The following NAP1L4 variants were observed in gnomAD, a reference collection of about 807,000 sequenced individuals.
NAP1L4 encodes nucleosome assembly protein 1 like 4, also known as nucleosome assembly protein 1-like 4.
Under a neutral mutation model 58.2 loss-of-function variants are expected in NAP1L4, and 15 were observed. That is an observed-to-expected ratio of 0.26 (90% CI 0.17 to 0.40). NAP1L4 has a LOEUF of 0.40. Among genes scored for constraint, NAP1L4 ranks in the 10% least tolerant of loss-of-function variants. The pLI, the probability that NAP1L4 is intolerant of heterozygous loss-of-function variation, is 1.00. For missense variants in NAP1L4, 384 were observed against 451.1 expected (o/e 0.85, Z 1.35); for synonymous variants, 171 against 155.6 (o/e 1.10, Z -0.74).
At chr11:2,989,716 G>C (rs773455951) in intron 1 of NAP1L4, 1 of 152,162 alleles carries the variant, frequency 6.6e-6, no homozygotes, top group Non-Finnish European at 1.5e-5. Context: ...ATTAACATGC[G>C]GTCAATAACA....
In NAP1L4 at chr11:2,944,674, C is replaced by A. The variant is rs919203098; in HGVS notation, c.*1005G>T. The A allele has an allele frequency of 6.6e-6, 1 of 152,252 alleles. No individual in the cohort carries two copies. The highest frequency in any genetic ancestry group is 2.4e-5 in the African/African-American group (1 of 41,464). 9.4% of individuals were successfully genotyped at this position (152,252 alleles called of 1,614,324 possible). On this transcript the variant is annotated 3_prime_UTR_variant, in exon 16 of 16. Transcript: ENST00000380542. ...TTCAGACAGGATGAATGGTGGGGCC[C>A]CGCAATGGGGCTACTGAGAAAGCAG...
At position 2,978,494 on chromosome 11, in the gene NAP1L4, TCA is replaced by T; in HGVS notation, c.15-154_15-153del. On this transcript the variant is annotated intron_variant, in intron 2 of 15. Coordinates refer to ENST00000380542, the MANE Select transcript of NAP1L4 (RefSeq NM_005969.4). ...GAAAACTACCAATGTGCATGTTATC[TCA>T]GAGGCTGTCCTCTCTGCTATAAAAA... 7.9e-6 allele frequency: 5 copies of T among 632,310 alleles called. No homozygotes were observed. The South Asian group carries it at 9.7e-5, about 12-fold the overall frequency. The allele number at this position is 632,310 out of a possible 1,614,324, so 39.2% of individuals were successfully genotyped here. A position where few individuals can be genotyped will look rare whatever the true frequency, so the allele number is the denominator to read the frequency against.
At chr11:2,976,160 C>T (rs774403643) in intron 3 of NAP1L4, 37 bp from the exon 4 acceptor site, 6 of 1,515,844 alleles carry the variant, frequency 4.0e-6, no homozygotes, top group Non-Finnish European at 4.5e-6. Context: ...TTAAAATATG[C>T]CCACCACACA....
intron 10 of NAP1L4, 57 bp downstream of exon 10, chr11:2,958,342 G>A (rs1846672640): frequency 6.3e-7 from 1 of 1,582,978 alleles, no homozygotes; most frequent in Non-Finnish European, 8.7e-7. Flanking sequence ...AATCTATCAG[G>A]TGACCAAAAT....
At position 2,959,979 on chromosome 11, in the gene NAP1L4, CACA is replaced by C. The variant is rs1000359164; in HGVS notation, c.607-73_607-71del. ...TAACGAGGACAGATTGCTTGGAGTA[CACA>C]ACACTTACTAGAAGCTATTTTGGGA... On this transcript the variant is annotated intron_variant, in intron 8 of 15. Transcript: ENST00000380542. The surrounding 1 kb of genome is among the most constrained non-coding windows in gnomAD (Gnocchi z 4.9). 24 of 1,492,296 alleles carry C rather than the reference CACA, an allele frequency of 1.6e-5. No homozygotes were observed. The highest frequency in any genetic ancestry group is 9.3e-5 in the Admixed American group (5 of 53,530). The allele number at this position is 1,492,296 out of a possible 1,614,324, so 92.4% of individuals were successfully genotyped here.
At chr11:2,964,622 T>C in intron 8 of NAP1L4, 58 bp downstream of exon 8, 1 of 1,435,990 alleles carries the variant, frequency 7.0e-7, no homozygotes, top group African/African-American at 1.4e-5. Context: ...TCCAAGTTCT[T>C]CCATCTTTGT....
chr11:2,971,674 G>C lies in NAP1L4; in HGVS notation c.316-140C>G, dbSNP rs1345489472. 4.3e-6 allele frequency: 3 copies of C among 702,288 alleles called. No individual in the cohort carries two copies. Among genetic ancestry groups the C allele is most frequent in the Non-Finnish European group, 4.5e-6 (2 of 440,204 alleles). The allele number at this position is 702,288 out of a possible 1,614,324, so 43.5% of individuals were successfully genotyped here. On this transcript the variant is annotated intron_variant, in intron 5 of 15. Coordinates refer to ENST00000380542, the MANE Select transcript of NAP1L4 (RefSeq NM_005969.4). This position sits in a 1 kb window ranked among gnomAD's most constrained non-coding sequence, Gnocchi z 4.2. ...CTTATTTTAAGATTCTAAATTTTAGGGTTCAAAGAAAAATATTAAATGATT... is the reference window on the plus strand; with the variant it reads ...CTTATTTTAAGATTCTAAATTTTAGCGTTCAAAGAAAAATATTAAATGATT...
At chr11:2,970,327 T>C (rs762425682) in intron 6 of NAP1L4, among the ~76,000 whole-genome samples, 1 of 151,994 alleles carries the variant, frequency 6.6e-6, no homozygotes, top group Non-Finnish European at 1.5e-5. Context: ...GCAGAACATC[T>C]AGCACTGGGC....
At chr11:2,991,156 G>A (rs1848941016) in intron 1 of NAP1L4, 1 of 456,374 alleles carries the variant, frequency 2.2e-6, no homozygotes, top group South Asian at 1.5e-5. Context: ...GGCAGGTGAT[G>A]TGACACACAC....
At chr11:2,980,855 C>T (rs952242057) in intron 1 of NAP1L4, among the ~76,000 whole-genome samples, 8 of 151,194 alleles carry the variant, frequency 5.3e-5, no homozygotes, top group African/African-American at 2.4e-5. Flanking sequence ...TTTTAAGATT[C>T]AAAATACAAC....
chr11:2,988,419 G>C (rs1200417268), intron 1 of NAP1L4, among the ~76,000 whole-genome samples: 3 of 152,190 alleles, frequency 2.0e-5, no homozygotes, highest in East Asian at 3.8e-4. Context: ...CATTGAACTT[G>C]TTCGTCTGTC....
rs1847624518 is a variant in NAP1L4 at position 2,971,317 on chromosome 11, C to T, written c.402+131G>A. On this transcript the variant is annotated intron_variant, in intron 6 of 15. Coordinates refer to ENST00000380542, the MANE Select transcript of NAP1L4 (RefSeq NM_005969.4). This position sits in a 1 kb window ranked among gnomAD's most constrained non-coding sequence, Gnocchi z 4.2. The stretch of plus-strand genomic sequence containing the variant: ...GATCCATATCAGAAAGGAATCTAAA[C>T]CCAACCTAATGATGCAGCAGCACCT... 2 of 734,562 alleles carry T rather than the reference C, an allele frequency of 2.7e-6. No homozygotes were observed. Among genetic ancestry groups the T allele is most frequent in the Admixed American group, 2.6e-5 (1 of 39,140 alleles). 45.5% of individuals were successfully genotyped at this position (734,562 alleles called of 1,614,324 possible). A position where few individuals can be genotyped will look rare whatever the true frequency, so the allele number is the denominator to read the frequency against.
intron 3 of NAP1L4, 44 bp downstream of exon 3, chr11:2,978,240 G>A (rs376625372): frequency 2.5e-5 from 40 of 1,577,540 alleles, no homozygotes; most frequent in South Asian, 4.5e-5. Context: ...AGAGAGGAAC[G>A]TTCCCCATAC....
chr11:2,972,053 C>T (rs1847668013), intron 5 of NAP1L4, 49 bp downstream of exon 5: 1 of 1,474,810 alleles, frequency 6.8e-7, no homozygotes, highest in East Asian at 2.5e-5. Context: ...AACCTAACAC[C>T]TTCGTAAGCT....
At chr11:2,953,194 G>C (rs557064092) in intron 12 of NAP1L4, among the ~76,000 whole-genome samples, 14 of 152,350 alleles carry the variant, frequency 9.2e-5, no homozygotes, top group African/African-American at 3.4e-4. Flanking sequence ...TGAACGTATT[G>C]TGAATGAAAC....
chr11:2,970,977 A>C (rs1450874785), intron 6 of NAP1L4, among the ~76,000 whole-genome samples: 3 of 152,146 alleles, frequency 2.0e-5, no homozygotes, highest in Non-Finnish European at 4.4e-5. Flanking sequence ...CTGGAATGGG[A>C]CCAGTCACTA....
At chr11:2,978,666 C>T (rs1430986993) in intron 2 of NAP1L4, among the ~76,000 whole-genome samples, 3 of 152,170 alleles carry the variant, frequency 2.0e-5, no homozygotes, top group African/African-American at 7.2e-5. Flanking sequence ...AAACCAAACC[C>T]ATCAACCAAC....
chr11:2,956,674 G>A (rs1846562279), intron 10 of NAP1L4, among the ~76,000 whole-genome samples: 2 of 152,208 alleles, frequency 1.3e-5, no homozygotes, highest in African/African-American at 4.8e-5. Flanking sequence ...CATGGGTTAG[G>A]AGCATGGCTG....
chr11:2,954,140 T>C lies in NAP1L4; in HGVS notation c.1035+387A>G, dbSNP rs931898656. On this transcript the variant is annotated intron_variant, in intron 12 of 15. Transcript: ENST00000380542. This position sits in a 1 kb window ranked among gnomAD's most constrained non-coding sequence, Gnocchi z 4.8. ...GGAATTTCTATTTCTTTTGGGTTGA[T>C]GAACCACAGGCTAGCATAAGTCCAC... is the stretch of plus-strand genomic sequence containing the variant. 6.6e-6 allele frequency among the ~76,000 whole-genome samples: 1 copy of C among 152,230 alleles called. No individual in the cohort carries two copies. Among genetic ancestry groups the C allele is most frequent in the Non-Finnish European group, 1.5e-5 (1 of 68,046 alleles).
Sources: allele counts gnomAD v4.1 joint callset (sites outside exome capture counted in the v4.1 genomes callset), GRCh38; gene constraint gnomAD v4.1.1; non-coding constraint Gnocchi (gnomAD v3.1); transcripts MANE v1.5; gene names NCBI Gene and HGNC (gene_info 2026-07-23, HGNC 2026-07-21).